The following RTL9 variants were observed in gnomAD, a reference collection of about 807,000 sequenced individuals.
RTL9 encodes the protein retrotransposon Gag-like protein 9.
In RTL9, 19 loss-of-function variants were observed where a neutral mutation model predicts 44.7. The observed-to-expected ratio is 0.42, with a 90% CI of 0.30 to 0.62. The LOEUF is 0.62. Ranked by LOEUF, RTL9 falls within the 20% of genes least tolerant of loss-of-function variation. The pLI, the probability that RTL9 is intolerant of heterozygous loss-of-function variation, is 0.16. For missense variants in RTL9, 1,105 were observed against 1,080.6 expected, an observed-to-expected ratio of 1.02 and a Z score of -0.32; for synonymous variants, 407 against 398.9, an observed-to-expected ratio of 1.02 and a Z score of -0.24.
At chrX:110,402,405 G>A (rs1011062214) in intron 1 of RTL9, among the ~76,000 whole-genome samples, 2 of 113,034 alleles carry the variant, frequency 1.8e-5, no homozygotes, top group African/African-American at 6.4e-5. Flanking sequence ...ATATCTGAGT[G>A]CAAATTCCTT....
chrX:110,425,510 C>T, intron 1 of RTL9, among the ~76,000 whole-genome samples: 1 of 112,900 alleles, frequency 8.9e-6, no homozygotes, highest in Non-Finnish European at 1.9e-5. Flanking sequence ...TGGCCAAAAG[C>T]CTTATCATTT....
At chrX:110,409,852 G>A (rs1455455398) in intron 1 of RTL9, among the ~76,000 whole-genome samples, 1 of 111,170 alleles carries the variant, frequency 9.0e-6, no homozygotes, top group Non-Finnish European at 1.9e-5. Flanking sequence ...ACAGAGGGAG[G>A]TATTGAACCA....
chrX:110,453,801 A>G (rs2068962736), exon 1 of RTL9: 1 of 1,209,763 alleles, frequency 8.3e-7, no homozygotes, highest in Admixed American at 2.2e-5. Context: ...GCCACAAATG[A>G]CAGCCACAGA....
At chrX:110,387,120 A>T (rs999613527) in intron 1 of RTL9, among the ~76,000 whole-genome samples, 5 of 111,999 alleles carry the variant, frequency 4.5e-5, no homozygotes, top group African/African-American at 1.6e-4. Context: ...GTGTAATACT[A>T]AACAAAGACT....
rs57937918 is a variant in RTL9 at position 110,387,857 on chromosome X, C to CTTT, written c.-168+28961_-168+28963dup. 1.6e-3 allele frequency among the ~76,000 whole-genome samples: 136 copies of CTTT among 82,774 alleles called. 2 individuals carry two copies. Among genetic ancestry groups the CTTT allele is most frequent in the Middle Eastern group, 6.5e-3 (1 of 153 alleles). The allele number at this position is 82,774 out of a possible 115,157, so 71.9% of individuals were successfully genotyped here. The stretch of plus-strand genomic sequence containing the variant: ...TGATATGATCGTTATCTCCCTCTCT[C>CTTT]TTTTTTTTTTTTTTTTTTTTTTGAG... On this transcript the variant is annotated intron_variant, in intron 1 of 2. Coordinates refer to the RTL9 transcript ENST00000520821.
At chrX:110,411,262 C>T (rs1336229016) in intron 1 of RTL9, among the ~76,000 whole-genome samples, 1 of 111,810 alleles carries the variant, frequency 8.9e-6, no homozygotes, top group Non-Finnish European at 1.9e-5. Flanking sequence ...AGTCAGTAGC[C>T]TCAAGATCTG....
chrX:110,392,249 A>G (rs778990608), intron 1 of RTL9, among the ~76,000 whole-genome samples: 43 of 109,656 alleles, frequency 3.9e-4, no homozygotes, highest in Middle Eastern at 4.7e-3. Context: ...TGAAAGATTT[A>G]AATGCTCAAA....
intron 1 of RTL9, among the ~76,000 whole-genome samples, chrX:110,375,919 T>C (rs1165783466): frequency 9.0e-6 from 1 of 111,540 alleles, no homozygotes; most frequent in East Asian, 2.8e-4. Flanking sequence ...AGGGCTAATA[T>C]TGATGTCAGT....
At chrX:110,453,866 C>G (rs1444616783) in exon 1 of RTL9, 1 of 1,210,408 alleles carries the variant, frequency 8.3e-7, no homozygotes, top group African/African-American at 1.7e-5. Flanking sequence ...GAACAATGTC[C>G]ACACCACAGA....
chrX:110,417,955 G>A (rs938793900), upstream of RTL9, among the ~76,000 whole-genome samples: 1 of 112,842 alleles, frequency 8.9e-6, no homozygotes. Flanking sequence ...AGGGTGCCAT[G>A]TTCAGGGGCA....
intron 1 of RTL9, among the ~76,000 whole-genome samples, chrX:110,379,330 C>T (rs1219897606): frequency 1.8e-5 from 2 of 112,061 alleles, no homozygotes; most frequent in South Asian, 7.4e-4. Flanking sequence ...AATATCTTGC[C>T]TTCAGTTATT....
At position 110,429,257 on chromosome X, in the gene RTL9, G is replaced by A. The variant is rs752758071; in HGVS notation, c.-168+10122G>A. On this transcript the variant is annotated intron_variant, in intron 1 of 3. Coordinates refer to the RTL9 transcript ENST00000465301. Reference sequence around the variant, plus strand: ...ATTTTGTTCATCTTTTTTTTTTATAGACTTAGCATAGTACTTTGTAATCAT... The same window carrying A: ...ATTTTGTTCATCTTTTTTTTTTATAAACTTAGCATAGTACTTTGTAATCAT... Among the ~76,000 whole-genome samples the A allele has an allele frequency of 2.7e-5, 3 of 109,368 alleles. No homozygotes were observed. The East Asian group carries it at 8.6e-4, about 31-fold the overall frequency. 95.0% of individuals were successfully genotyped at this position (109,368 alleles called of 115,157 possible).
At chrX:110,451,310 A>C in exon 1 of RTL9, 1 of 1,211,958 alleles carries the variant, frequency 8.3e-7, no homozygotes, top group Non-Finnish European at 1.1e-6. Context: ...CAATGTCCCC[A>C]TTGCAAATTA....
intron 1 of RTL9, among the ~76,000 whole-genome samples, chrX:110,363,416 G>A (rs1208263343): frequency 2.7e-5 from 3 of 111,663 alleles, no homozygotes; most frequent in Non-Finnish European, 5.6e-5. Flanking sequence ...GAGATTGGCT[G>A]CCCACAGAAA....
At chrX:110,362,678 T>C (rs2068272023) in intron 1 of RTL9, among the ~76,000 whole-genome samples, 1 of 111,937 alleles carries the variant, frequency 8.9e-6, no homozygotes, top group South Asian at 3.7e-4. Context: ...ATAAATGAAG[T>C]ATTTACCAGT....
chrX:110,416,922 A>G (rs754577393), upstream of RTL9, among the ~76,000 whole-genome samples: 1 of 111,950 alleles, frequency 8.9e-6, no homozygotes, highest in Non-Finnish European at 1.9e-5. Context: ...TTGCTAAAGG[A>G]AGAGGAAGCT....
intron 1 of RTL9, among the ~76,000 whole-genome samples, chrX:110,395,188 C>T (rs1365051419): frequency 8.9e-6 from 1 of 112,239 alleles, no homozygotes; most frequent in Non-Finnish European, 1.9e-5. Flanking sequence ...CCTCTAAATT[C>T]CGAGGGTGCC....
At chrX:110,424,513 C>A (rs2068740597) in intron 1 of RTL9, among the ~76,000 whole-genome samples, 1 of 111,424 alleles carries the variant, frequency 9.0e-6, no homozygotes, top group Non-Finnish European at 1.9e-5. Context: ...ATGGGACATC[C>A]ATAACTCAGG....
At chrX:110,454,787 G>A in intron 1 of RTL9, 123 bp downstream of exon 3, 1 of 603,715 alleles carries the variant, frequency 1.7e-6, no homozygotes, top group Non-Finnish European at 2.5e-6. Context: ...GGAGCTCCTA[G>A]ACCATTAAAC....
Sources: allele counts gnomAD v4.1 joint callset (sites outside exome capture counted in the v4.1 genomes callset), GRCh38; gene constraint gnomAD v4.1.1; transcripts MANE v1.5; gene names NCBI Gene and HGNC (gene_info 2026-07-23, HGNC 2026-07-21).